The following LRRC4C variants were observed in gnomAD, a reference collection of about 807,000 sequenced individuals.
LRRC4C encodes leucine-rich repeat-containing protein 4C.
In LRRC4C, 5 loss-of-function variants were observed where a neutral mutation model predicts 33.6. That is an observed-to-expected ratio of 0.15 (90% CI 0.08 to 0.31). The LOEUF (loss-of-function observed/expected upper bound fraction) is 0.31, where lower values mean the gene tolerates loss of function less well. Ranked by LOEUF, LRRC4C falls within the 10% of genes least tolerant of loss-of-function variation. The probability of loss-of-function intolerance (pLI) is 1.00; values close to 1 mark genes in which losing one functional copy is unlikely to be tolerated. For missense variants in LRRC4C, 560 were observed against 796.7 expected (o/e 0.70, Z 3.58); for synonymous variants, 329 against 302.0 (o/e 1.09, Z -0.93).
At chr11:41,456,387 T>A (rs967312002) in intron 1 of LRRC4C, among the ~76,000 whole-genome samples, 3 of 151,892 alleles carry the variant, frequency 2.0e-5, no homozygotes, top group Non-Finnish European at 4.4e-5. Context: ...TTTTTTTTTT[T>A]AAAGGTTCTC....
At chr11:40,958,828 G>A (rs1364164379) in intron 1 of LRRC4C, among the ~76,000 whole-genome samples, 2 of 151,698 alleles carry the variant, frequency 1.3e-5, no homozygotes, top group Non-Finnish European at 3.0e-5. Context: ...ACAGGAAGAG[G>A]AGCTATCAGG....
intron 2 of LRRC4C, among the ~76,000 whole-genome samples, chr11:40,869,196 G>A (rs1166035783): frequency 6.6e-6 from 1 of 152,042 alleles, no homozygotes; most frequent in Non-Finnish European, 1.5e-5. Context: ...TATGTTCCAG[G>A]AAATATAAAA....
Position 40,399,521 on chromosome 11 carries a change from C to T in LRRC4C, c.-269-79800G>A, listed in dbSNP as rs567977595. On this transcript the variant is annotated intron_variant, in intron 3 of 6. Transcript: ENST00000528697. ...ACACAGGAAGGGGAACATCACACTC[C>T]GGGGACTGTTGTGGGGTGGGAGGAG... 6.1e-4 allele frequency among the ~76,000 whole-genome samples: 92 copies of T among 149,758 alleles called. 1 individual carries two copies. Among genetic ancestry groups the T allele is most frequent in the Middle Eastern group, 3.4e-3 (1 of 292 alleles).
At chr11:40,797,995 C>T (rs538317646) in intron 2 of LRRC4C, among the ~76,000 whole-genome samples, 3 of 152,136 alleles carry the variant, frequency 2.0e-5, no homozygotes, top group East Asian at 1.9e-4. Context: ...GATATTTTTG[C>T]CAAAAATCGC....
intron 1 of LRRC4C, among the ~76,000 whole-genome samples, chr11:41,061,320 C>T (rs1937750790): frequency 6.6e-6 from 1 of 152,034 alleles, no homozygotes; most frequent in African/African-American, 2.4e-5. Flanking sequence ...CAGTTTTTAT[C>T]AAAGGATTTC....
chr11:41,085,256 G>T (rs554456555), intron 1 of LRRC4C, among the ~76,000 whole-genome samples: 15 of 152,156 alleles, frequency 9.9e-5, no homozygotes, highest in South Asian at 4.1e-4. Context: ...AATATTTGGA[G>T]CAGGAAAAAA....
At chr11:40,531,033 T>C (rs16934909) in intron 3 of LRRC4C, among the ~76,000 whole-genome samples, 13,361 of 152,112 alleles carry the variant, frequency 0.088, 1,665 homozygotes, top group African/African-American at 0.28. Context: ...TCAAAACAAC[T>C]ATTGGCACAT....
intron 1 of LRRC4C, among the ~76,000 whole-genome samples, chr11:41,010,369 C>T (rs371235317): frequency 2.8e-4 from 43 of 152,120 alleles, no homozygotes; most frequent in African/African-American, 9.6e-4. Flanking sequence ...TTTCATAATT[C>T]GCGTTTTCTG....
intron 3 of LRRC4C, among the ~76,000 whole-genome samples, chr11:40,331,447 A>T (rs930464873): frequency 1.3e-5 from 2 of 152,250 alleles, no homozygotes; most frequent in Non-Finnish European, 2.9e-5. Flanking sequence ...AATGTGGCAT[A>T]TATACACAAT....
intron 5 of LRRC4C, among the ~76,000 whole-genome samples, chr11:40,175,578 T>C (rs1860409510): frequency 1.3e-5 from 2 of 152,226 alleles, no homozygotes; most frequent in African/African-American, 2.4e-5. Flanking sequence ...TGCAGAGTGA[T>C]GGCAGTTCCT....
At position 40,795,292 on chromosome 11, in the gene LRRC4C, G is replaced by T. The variant is rs190501425; in HGVS notation, c.-407+138343C>A. On this transcript the variant is annotated intron_variant, in intron 2 of 6. Coordinates refer to ENST00000528697, the MANE Select transcript of LRRC4C (RefSeq NM_001258419.2). ...GCCTGTAATCCTAGCACTTTGGGAG[G>T]GTGAGGCTGGTGGATCACGAGTTCA... Among the ~76,000 whole-genome samples, 1,062 of 152,242 alleles carry T rather than the reference G, an allele frequency of 7.0e-3. 7 individuals are homozygous for T. Among genetic ancestry groups the T allele is most frequent in the Middle Eastern group, 0.014 (4 of 294 alleles).
chr11:41,108,791 G>T (rs1353436585), intron 1 of LRRC4C, among the ~76,000 whole-genome samples: 1 of 152,050 alleles, frequency 6.6e-6, no homozygotes, highest in Non-Finnish European at 1.5e-5. Flanking sequence ...AACCTTTCTT[G>T]TATGCTATGA....
At chr11:40,208,929 C>T (rs1863363716) in intron 5 of LRRC4C, among the ~76,000 whole-genome samples, 1 of 142,952 alleles carries the variant, frequency 7.0e-6, no homozygotes, top group Non-Finnish European at 1.5e-5. Context: ...TGCTCCAAAT[C>T]AGGGCTTTCT....
At chr11:40,974,141 AC>A (rs1212032445) in intron 1 of LRRC4C, among the ~76,000 whole-genome samples, 1 of 152,250 alleles carries the variant, frequency 6.6e-6, no homozygotes, top group Non-Finnish European at 1.5e-5. Flanking sequence ...AGGAAGTATT[AC>A]AGGGTAATTT....
At chr11:41,438,219 T>A (rs4756646) in intron 1 of LRRC4C, among the ~76,000 whole-genome samples, 56,823 of 151,798 alleles carry the variant, frequency 0.37, 11,462 homozygotes, top group Middle Eastern at 0.5. Flanking sequence ...TTTGTTTTAT[T>A]GTGTGGTCTT....
intron 1 of LRRC4C, among the ~76,000 whole-genome samples, chr11:41,317,669 T>G (rs566780810): frequency 6.6e-6 from 1 of 152,036 alleles, no homozygotes; most frequent in Non-Finnish European, 1.5e-5. Context: ...GACCCGTCAT[T>G]TGGAGGAACA....
intron 1 of LRRC4C, among the ~76,000 whole-genome samples, chr11:40,995,428 A>T (rs1853899584): frequency 6.6e-6 from 1 of 152,040 alleles, no homozygotes; most frequent in Non-Finnish European, 1.5e-5. Context: ...CTCCAACAAC[A>T]TGGCTAAATC....
chr11:40,596,961 T>C (rs1959393987), intron 3 of LRRC4C, among the ~76,000 whole-genome samples: 1 of 152,318 alleles, frequency 6.6e-6, no homozygotes. Flanking sequence ...GTCCGTATTC[T>C]TAACAAATAG....
rs935780047 is a variant in LRRC4C at position 41,107,840 on chromosome 11, G to A, written c.-495-174117C>T. ...TATTCCCAGCTACTCAGAAGGCTGA[G>A]GCAGGAGAATCACTTGAAAATGGGA... On this transcript the variant is annotated intron_variant, in intron 1 of 6. Coordinates refer to ENST00000528697, the MANE Select transcript of LRRC4C (RefSeq NM_001258419.2). 2.4e-4 allele frequency among the ~76,000 whole-genome samples: 36 copies of A among 152,194 alleles called. 1 individual carries two copies. The East Asian group carries it at 6.8e-3, about 29-fold the overall frequency.
Sources: gnomAD v4.1 joint callset for allele counts (sites outside exome capture counted in the v4.1 genomes callset) on GRCh38, gnomAD v4.1.1 for gene constraint, MANE v1.5 for transcripts, NCBI Gene and HGNC (gene_info 2026-07-23, HGNC 2026-07-21) for gene names.